ZSCAN32: variants seen among roughly 807,000 people sequenced by gnomAD.
ZSCAN32 encodes the protein zinc finger and SCAN domain-containing protein 32.
ZSCAN32 carries 52 observed loss-of-function variants against 47.4 expected under a neutral mutation model. The ratio of observed to expected loss-of-function variants is 1.10; its 90% CI spans 0.88 to 1.38. The LOEUF (loss-of-function observed/expected upper bound fraction) is 1.38. Ranked by LOEUF, ZSCAN32 falls within the 40% of genes most tolerant of loss-of-function variation. The pLI, the probability that ZSCAN32 is intolerant of heterozygous loss-of-function variation, is 0.00. For missense variants in ZSCAN32, 959 were observed against 846.0 expected (o/e 1.13, Z -1.66); for synonymous variants, 346 against 305.7 (o/e 1.13, Z -1.38).
Position 3,397,382 on chromosome 16 carries a change from C to A in ZSCAN32, c.176G>T (p.Trp59Leu). 1 of 1,554,994 alleles carries A rather than the reference C, an allele frequency of 6.4e-7. No homozygotes were observed. Among genetic ancestry groups the A allele is most frequent in the Non-Finnish European group, 8.7e-7 (1 of 1,149,498 alleles). Residue 59 changes from tryptophan (W) to leucine (L), a missense_variant, in exon 2 of 7, where the codon TGG becomes TTG. Transcript: ENST00000396852. The stretch of plus-strand genomic sequence containing the variant: ...CCTCAGCCACTGACAACAGAGTTCC[C>A]AGAGTTTGCTAAAAGCTTCATGTGG... ...TGPHEAFSKL[W>L]ELCCQWLRPK... is the part of the protein sequence containing the mutation.
intron 1 of ZSCAN32, 130 bp downstream of exon 1, chr16:3,400,815 T>C (rs944127589): frequency 3.9e-5 from 6 of 152,314 alleles, no homozygotes; most frequent in African/African-American, 1.2e-4. Context: ...GGAGGCTGCC[T>C]GTCCCAAGGA....
At chr16:3,384,391 C>G (rs748945192) in intron 6 of ZSCAN32, 68 bp downstream of exon 6, 42 of 1,589,426 alleles carry the variant, frequency 2.6e-5, no homozygotes, top group Middle Eastern at 3.4e-4. Flanking sequence ...TCCTACTCAA[C>G]TGCTAGGCTA....
intron 3 of ZSCAN32, 47 bp downstream of exon 3, chr16:3,393,602 T>A (rs757800047): frequency 2.0e-6 from 3 of 1,469,026 alleles, no homozygotes; most frequent in African/African-American, 1.4e-5. Flanking sequence ...TTCCAGTAAA[T>A]GATTGTTCCT....
chr16:3,383,578 C>G lies in ZSCAN32; in HGVS notation c.1368G>C (p.Glu456Asp), dbSNP rs1311927054. ...YWHSELQKGL[E>D]SEPTSRRQCR... is the part of the protein sequence containing the mutation. ...ATTGCCTTCTTGATGTTGGCTCACT[C>G]TCCAAGCCTTTTTGTAGCTCAGAGT... Residue 456 changes from glutamate to aspartate, a missense_variant, in exon 7 of 7, where the codon GAG (glutamate) becomes GAC (aspartate). Coordinates refer to ENST00000396852, the MANE Select transcript of ZSCAN32 (RefSeq NM_001284527.2). 7 of 1,613,958 alleles carry G rather than the reference C, an allele frequency of 4.3e-6. No individual in the cohort carries two copies. The African/African-American group carries it at 8.0e-5, about 18-fold the overall frequency.
At chr16:3,394,349 A>T (rs1253083498) in intron 2 of ZSCAN32, among the ~76,000 whole-genome samples, 4 of 152,194 alleles carry the variant, frequency 2.6e-5, no homozygotes, top group Non-Finnish European at 4.4e-5. Context: ...CAGAACTGTT[A>T]AAAACTGAAA....
intron 5 of ZSCAN32, among the ~76,000 whole-genome samples, chr16:3,389,663 T>G (rs908318470): frequency 6.6e-6 from 1 of 152,210 alleles, no homozygotes; most frequent in Non-Finnish European, 1.5e-5. Context: ...TACTGCTACC[T>G]GTGTGCATGA....
chr16:3,391,597 T>C (rs1452436034), intron 3 of ZSCAN32, among the ~76,000 whole-genome samples: 1 of 149,768 alleles, frequency 6.7e-6, no homozygotes, highest in African/African-American at 2.5e-5. Flanking sequence ...GAGAATCACT[T>C]GAACCCAGGA....
At chr16:3,390,346 T>C in intron 4 of ZSCAN32, 77 bp downstream of exon 4, 1 of 1,417,986 alleles carries the variant, frequency 7.1e-7, no homozygotes, top group Non-Finnish European at 9.6e-7. Flanking sequence ...AGAATCTTTC[T>C]CATGTCTCTG....
At chr16:3,386,192 G>A (rs1347623765) in intron 5 of ZSCAN32, among the ~76,000 whole-genome samples, 1 of 152,182 alleles carries the variant, frequency 6.6e-6, no homozygotes, top group African/African-American at 2.4e-5. Flanking sequence ...ATGAAAAAAT[G>A]CTCATCATCA....
intron 5 of ZSCAN32, among the ~76,000 whole-genome samples, chr16:3,387,573 C>T (rs1459743308): frequency 6.6e-6 from 1 of 152,214 alleles, no homozygotes; most frequent in African/African-American, 2.4e-5. Flanking sequence ...AAGTGCATTC[C>T]AACATCTGGT....
chr16:3,383,906 G>A, intron 6 of ZSCAN32, 195 bp from the exon 7 acceptor site: 1 of 663,516 alleles, frequency 1.5e-6, no homozygotes, highest in South Asian at 2.5e-5. Flanking sequence ...GGAAAATTAT[G>A]CCCTAAACTC....
chr16:3,397,183 T>C lies in ZSCAN32; in HGVS notation c.366+9A>G. 1 of 1,499,172 alleles carries C rather than the reference T, an allele frequency of 6.7e-7. No individual in the cohort carries two copies. The highest frequency in any genetic ancestry group is 8.9e-7 in the Non-Finnish European group (1 of 1,123,846). The allele number at this position is 1,499,172 out of a possible 1,614,324, so 92.9% of individuals were successfully genotyped here. ...CCAAAACCACAAAGTTCCGACTTCCTTTTCTCACCTGTTGTCCAGGAGCTC... is the reference window on the plus strand; with the variant it reads ...CCAAAACCACAAAGTTCCGACTTCCCTTTCTCACCTGTTGTCCAGGAGCTC... On this transcript the variant is annotated intron_variant, in intron 2 of 6. Transcript: ENST00000396852.
chr16:3,395,721 G>A (rs773181055), intron 2 of ZSCAN32, among the ~76,000 whole-genome samples: 3 of 152,094 alleles, frequency 2.0e-5, no homozygotes, highest in African/African-American at 4.8e-5. Flanking sequence ...AGTGTGGGCC[G>A]GGCACAATGG....
intron 6 of ZSCAN32, chr16:3,384,227 A>G (rs962970864): frequency 8.2e-6 from 5 of 612,106 alleles, no homozygotes; most frequent in African/African-American, 7.4e-5. Context: ...GTGAAACTCC[A>G]TGGGAAAAGA....
chr16:3,384,957 T>A lies in ZSCAN32; in HGVS notation c.752-16A>T. On this transcript the variant is annotated splice_polypyrimidine_tract_variant and intron_variant, in intron 5 of 6. Transcript: ENST00000396852. ...ACACCTGTTGCTGGGGGACAAAGAA[T>A]AGGTCAATTAGATCTGTCAGTTAGA... 1 of 1,604,092 alleles carries A rather than the reference T, an allele frequency of 6.2e-7. No individual in the cohort carries two copies. Among genetic ancestry groups the A allele is most frequent in the Non-Finnish European group, 8.5e-7 (1 of 1,176,884 alleles).
intron 1 of ZSCAN32, among the ~76,000 whole-genome samples, chr16:3,398,715 C>A (rs1381686035): frequency 6.6e-6 from 1 of 152,126 alleles, no homozygotes; most frequent in Non-Finnish European, 1.5e-5. Flanking sequence ...TTTTCCTGTC[C>A]TTCCCTATCC....
At chr16:3,393,944 G>A in intron 2 of ZSCAN32, 130 bp from the exon 3 acceptor site, 1 of 698,512 alleles carries the variant, frequency 1.4e-6, no homozygotes, top group Non-Finnish European at 2.2e-6. Flanking sequence ...CCACTGTATT[G>A]CTGCTGTAAT....
intron 6 of ZSCAN32, chr16:3,384,228 T>C: frequency 1.6e-6 from 1 of 612,128 alleles, no homozygotes; most frequent in Non-Finnish European, 2.8e-6. Flanking sequence ...TGAAACTCCA[T>C]GGGAAAAGAT....
chr16:3,395,073 C>T (rs137923211), intron 2 of ZSCAN32, among the ~76,000 whole-genome samples: 1 of 152,364 alleles, frequency 6.6e-6, no homozygotes, highest in Non-Finnish European at 1.5e-5. Flanking sequence ...AGGCCAGGGG[C>T]CGTGCCTGTC....
Sources: gnomAD v4.1 joint callset for allele counts (sites outside exome capture counted in the v4.1 genomes callset) on GRCh38, gnomAD v4.1.1 for gene constraint, MANE v1.5 for transcripts, NCBI Gene and HGNC (gene_info 2026-07-23, HGNC 2026-07-21) for gene names.